The following GPC5 variants were observed in gnomAD, a reference collection of about 807,000 sequenced individuals.
GPC5 encodes the protein glypican-5.
GPC5 carries 47 observed loss-of-function variants against 53.9 expected under a neutral mutation model. That is an observed-to-expected ratio of 0.87 (90% CI 0.69 to 1.11). The LOEUF (loss-of-function observed/expected upper bound fraction) is 1.11. Ranked by LOEUF, GPC5 falls within the 50% of genes most tolerant of loss-of-function variation. The probability of loss-of-function intolerance (pLI) is 0.00; values close to 1 mark genes in which losing one functional copy is unlikely to be tolerated. For synonymous variants in GPC5, 286 were observed against 263.3 expected (o/e 1.09, Z -0.84); for missense variants, 748 against 713.1 (o/e 1.05, Z -0.56).
At chr13:92,143,472 A>G (rs548148006) in intron 6 of GPC5, among the ~76,000 whole-genome samples, 27 of 152,240 alleles carry the variant, frequency 1.8e-4, no homozygotes, top group Admixed American at 5.9e-4. Flanking sequence ...ACATCAGTAT[A>G]TTAAACACAG....
intron 6 of GPC5, among the ~76,000 whole-genome samples, chr13:92,106,545 G>T (rs2041511827): frequency 6.6e-6 from 1 of 151,992 alleles, no homozygotes; most frequent in Admixed American, 6.6e-5. Flanking sequence ...TTGTCTTAGA[G>T]TTCAATAAAA....
chr13:92,614,002 G>C (rs769388469), intron 7 of GPC5, among the ~76,000 whole-genome samples: 45 of 152,080 alleles, frequency 3.0e-4, no homozygotes, highest in Non-Finnish European at 6.2e-4. Flanking sequence ...AATGGGAAAA[G>C]AAGGAATGAA....
chr13:92,563,045 C>T (rs756495030), intron 7 of GPC5, among the ~76,000 whole-genome samples: 1 of 152,028 alleles, frequency 6.6e-6, no homozygotes, highest in East Asian at 1.9e-4. Context: ...AATTCCCCCA[C>T]TCCAGTTTGG....
At chr13:92,122,687 G>T (rs2041660161) in intron 6 of GPC5, among the ~76,000 whole-genome samples, 1 of 143,722 alleles carries the variant, frequency 7.0e-6, no homozygotes, top group South Asian at 2.2e-4. Context: ...AATGGTTATG[G>T]TTTCATACCT....
intron 6 of GPC5, among the ~76,000 whole-genome samples, chr13:91,986,544 C>A (rs550199491): frequency 6.6e-6 from 1 of 152,182 alleles, no homozygotes; most frequent in East Asian, 1.9e-4. Context: ...TCTTTAAGTC[C>A]CAGATCTTCT....
intron 6 of GPC5, among the ~76,000 whole-genome samples, chr13:92,091,256 T>C (rs963514898): frequency 1.3e-5 from 2 of 152,158 alleles, no homozygotes; most frequent in African/African-American, 4.8e-5. Context: ...ACATTTGGAA[T>C]TTTTAAGTGA....
chr13:92,428,485 G>A (rs892172911), intron 7 of GPC5, among the ~76,000 whole-genome samples: 7 of 152,144 alleles, frequency 4.6e-5, no homozygotes, highest in Non-Finnish European at 7.4e-5. Flanking sequence ...TACACTAACA[G>A]TTCTCTTACT....
rs536573409 is a variant in GPC5, at chr13:91,892,421, G to GA, written c.1281-15510dup. Among the ~76,000 whole-genome samples the GA allele has an allele frequency of 2.1e-4, 32 of 151,308 alleles. No homozygotes were observed. In the East Asian group the frequency reaches 3.7e-3, roughly 17 times the overall value. On this transcript the variant is annotated intron_variant, in intron 5 of 7. Transcript: ENST00000377067. ...CAACCTTTAAATAAACTCCAAATTA[G>GA]AAAAAATATTCTTTTTCTCAATAAA... is the stretch of plus-strand genomic sequence containing the variant.
intron 7 of GPC5, among the ~76,000 whole-genome samples, chr13:92,527,249 GAGAAAGAAAGAAAGAAAGAAAGAA>G (rs199630577): frequency 3.1e-5 from 1 of 32,704 alleles, no homozygotes; most frequent in Non-Finnish European, 6.4e-5. Context: ...AAGAAAGAAA[GAGAAAGAAAGAAAGAAAGAAAGAA>G]AGAAAGAAAA....
intron 7 of GPC5, among the ~76,000 whole-genome samples, chr13:92,458,927 G>T (rs767259988): frequency 6.6e-6 from 1 of 152,082 alleles, no homozygotes; most frequent in East Asian, 1.9e-4. Context: ...CACGTGCTTT[G>T]TGAGTGCCTA....
chr13:92,778,497 T>C (rs1157735857), intron 7 of GPC5, among the ~76,000 whole-genome samples: 1 of 152,204 alleles, frequency 6.6e-6, no homozygotes, highest in East Asian at 1.9e-4. Flanking sequence ...AATTATGGAC[T>C]AAACCACACA....
At chr13:91,516,374 C>T (rs1885499348) in intron 2 of GPC5, among the ~76,000 whole-genome samples, 1 of 152,106 alleles carries the variant, frequency 6.6e-6, no homozygotes. Context: ...GATTACAGGG[C>T]CCATGCAAGT....
chr13:91,965,721 T>C (rs1347669361), intron 6 of GPC5, among the ~76,000 whole-genome samples: 12 of 152,182 alleles, frequency 7.9e-5, no homozygotes, highest in Non-Finnish European at 1.5e-5. Flanking sequence ...CAGCTGAGCA[T>C]GTCAAAATAA....
chr13:92,590,915 T>C (rs1883692170), intron 7 of GPC5, among the ~76,000 whole-genome samples: 1 of 152,226 alleles, frequency 6.6e-6, no homozygotes, highest in African/African-American at 2.4e-5. Flanking sequence ...AGTCTCTTTC[T>C]AGGCATGTGC....
chr13:91,472,732 T>G (rs537882648), intron 2 of GPC5, among the ~76,000 whole-genome samples: 1 of 152,336 alleles, frequency 6.6e-6, no homozygotes, highest in African/African-American at 2.4e-5. Flanking sequence ...TTTTACTGCT[T>G]TGTAACAGAA....
chr13:92,040,840 G>GA, intron 6 of GPC5, among the ~76,000 whole-genome samples: 1 of 152,190 alleles, frequency 6.6e-6, no homozygotes, highest in African/African-American at 2.4e-5. Context: ...TATGCTGCAG[G>GA]AATTTAACTC....
chr13:92,496,956 G>A lies in GPC5; in HGVS notation c.1561+351967G>A, dbSNP rs1208392010. Among the ~76,000 whole-genome samples the A allele has an allele frequency of 2.0e-5, 3 of 152,070 alleles. No individual in the cohort carries two copies. The East Asian group carries it at 5.8e-4, about 29-fold the overall frequency. ...AGAGTGAGACAAGTTTTAAGCAGGA[G>A]TGAAAGAGCATTAAAAAGTTTAAGT... is the stretch of plus-strand genomic sequence containing the variant. On this transcript the variant is annotated intron_variant, in intron 7 of 7. Coordinates refer to ENST00000377067, the MANE Select transcript of GPC5 (RefSeq NM_004466.6).
At chr13:92,608,056 T>C (rs1262496604) in intron 7 of GPC5, among the ~76,000 whole-genome samples, 2 of 152,222 alleles carry the variant, frequency 1.3e-5, no homozygotes, top group African/African-American at 4.8e-5. Flanking sequence ...TACTTTATTG[T>C]AAGAACACTG....
intron 7 of GPC5, among the ~76,000 whole-genome samples, chr13:92,305,814 C>A (rs572030961): frequency 1.3e-5 from 2 of 152,254 alleles, no homozygotes; most frequent in South Asian, 4.1e-4. Context: ...GATTTCTTCC[C>A]CTGCCATATA....
Sources: allele counts gnomAD v4.1 joint callset (sites outside exome capture counted in the v4.1 genomes callset), GRCh38; gene constraint gnomAD v4.1.1; transcripts MANE v1.5; gene names NCBI Gene and HGNC (gene_info 2026-07-23, HGNC 2026-07-21).